Variants in KCNN2 observed in about 807,000 individuals in gnomAD.
KCNN2 encodes the protein potassium calcium-activated channel subfamily N member 2.
A neutral mutation model predicts 55.5 loss-of-function variants in KCNN2; 24 were observed. That is an observed-to-expected ratio of 0.43 (90% CI 0.31 to 0.61). KCNN2 has a LOEUF of 0.61. Ranked by LOEUF, KCNN2 falls within the 20% of genes least tolerant of loss-of-function variation. The pLI is 0.08. For synonymous variants in KCNN2, 431 were observed against 336.1 expected, an observed-to-expected ratio of 1.28 and a Z score of -3.09; for missense variants, 754 against 853.6, an observed-to-expected ratio of 0.88 and a Z score of 1.45.
At chr5:114,318,415 C>T (rs1756545559) in intron 2 of KCNN2, among the ~76,000 whole-genome samples, 2 of 151,898 alleles carry the variant, frequency 1.3e-5, no homozygotes, top group African/African-American at 2.4e-5. Flanking sequence ...CACTTACATA[C>T]GTATTAATAG....
intron 2 of KCNN2, among the ~76,000 whole-genome samples, chr5:114,388,635 T>C (rs1279403132): frequency 6.6e-6 from 1 of 152,198 alleles, no homozygotes; most frequent in Non-Finnish European, 1.5e-5. Flanking sequence ...GGTTTATGTT[T>C]ACTTCTTGCT....
intron 2 of KCNN2, among the ~76,000 whole-genome samples, chr5:114,365,937 T>C (rs1662767987): frequency 6.6e-6 from 1 of 152,212 alleles, no homozygotes; most frequent in African/African-American, 2.4e-5. Context: ...GGAGGACATT[T>C]GCTGGTATTA....
chr5:114,273,398 G>A (rs1421660315), intron 2 of KCNN2, among the ~76,000 whole-genome samples: 1 of 152,110 alleles, frequency 6.6e-6, no homozygotes, highest in Non-Finnish European at 1.5e-5. Flanking sequence ...GGATTACTGG[G>A]TCAAATGGTA....
intron 2 of KCNN2, among the ~76,000 whole-genome samples, chr5:114,403,443 A>C (rs966158616): frequency 6.6e-6 from 1 of 152,240 alleles, no homozygotes; most frequent in African/African-American, 2.4e-5. Flanking sequence ...GAATATATAT[A>C]GCTTCTCAAA....
intron 3 of KCNN2, among the ~76,000 whole-genome samples, chr5:114,451,912 A>G (rs55840632): frequency 0.2 from 30,151 of 151,128 alleles, 3,360 homozygotes; most frequent in Middle Eastern, 0.26. Flanking sequence ...AAAAAAAAAA[A>G]GAATCAAATG....
intron 2 of KCNN2, among the ~76,000 whole-genome samples, chr5:114,254,408 G>C (rs1190463418): frequency 1.3e-5 from 2 of 152,124 alleles, no homozygotes; most frequent in Admixed American, 6.6e-5. Flanking sequence ...GCAGATACCA[G>C]CTTTTCTGAA....
chr5:114,179,828 G>A (rs760617657), intron 1 of KCNN2, among the ~76,000 whole-genome samples: 35 of 151,902 alleles, frequency 2.3e-4, no homozygotes, highest in Admixed American at 5.2e-4. Context: ...ATCAAATACC[G>A]CATTCTCACA....
intron 2 of KCNN2, among the ~76,000 whole-genome samples, chr5:114,343,702 G>T (rs984930379): frequency 1.3e-5 from 2 of 150,018 alleles, no homozygotes; most frequent in Non-Finnish European, 3.0e-5. Flanking sequence ...GGTGTGGGGG[G>T]AACAACATGG....
intron 1 of KCNN2, among the ~76,000 whole-genome samples, chr5:114,063,626 G>A (rs13185767): frequency 0.099 from 15,013 of 152,188 alleles, 918 homozygotes; most frequent in Middle Eastern, 0.21. Context: ...GAGGATAATG[G>A]AACTGCATTT....
At chr5:114,233,872 C>G (rs1201066191) in intron 2 of KCNN2, among the ~76,000 whole-genome samples, 1 of 152,138 alleles carries the variant, frequency 6.6e-6, no homozygotes, top group Non-Finnish European at 1.5e-5. Flanking sequence ...CTGTATCAGT[C>G]ATCTTCTCTT....
chr5:114,339,670 G>T (rs542130509), intron 2 of KCNN2, among the ~76,000 whole-genome samples: 26 of 152,112 alleles, frequency 1.7e-4, no homozygotes, highest in African/African-American at 6.0e-4. Context: ...AGGCATGGTG[G>T]TGTATGCCTA....
chr5:114,198,825 TAA>T (rs1561519400), intron 1 of KCNN2, among the ~76,000 whole-genome samples: 1 of 152,162 alleles, frequency 6.6e-6, no homozygotes, highest in Non-Finnish European at 1.5e-5. Flanking sequence ...TAAAATGTGT[TAA>T]GACTTGTTTT....
chr5:114,385,047 G>A (rs1385964356), intron 2 of KCNN2, among the ~76,000 whole-genome samples: 3 of 152,138 alleles, frequency 2.0e-5, no homozygotes, highest in African/African-American at 7.2e-5. Flanking sequence ...GTGGTGAGTT[G>A]AAATGCTCTA....
chr5:114,100,983 A>G (rs1751362856), intron 1 of KCNN2, among the ~76,000 whole-genome samples: 1 of 151,720 alleles, frequency 6.6e-6, no homozygotes, highest in Admixed American at 6.6e-5. Context: ...TTTATATAAT[A>G]TCCTTATTTT....
Position 114,155,458 on chromosome 5 carries a change from G to A in KCNN2, c.-270-66022G>A, listed in dbSNP as rs559485080. Among the ~76,000 whole-genome samples, 3 of 152,230 alleles carry A rather than the reference G, an allele frequency of 2.0e-5. No homozygotes were observed. In the East Asian group the frequency reaches 5.8e-4, roughly 29 times the overall value. ...TCTATTTTTAGGTCTTTGAGGAATT[G>A]CCACACTGTCTTCCATAATGGCTGA... On this transcript the variant is annotated intron_variant, in intron 1 of 10. Coordinates refer to the KCNN2 transcript ENST00000512097.
At chr5:114,104,045 C>T (rs962429356) in intron 1 of KCNN2, among the ~76,000 whole-genome samples, 4 of 152,010 alleles carry the variant, frequency 2.6e-5, no homozygotes, top group African/African-American at 4.8e-5. Context: ...GCTGTGAATC[C>T]GTTTGGTCCT....
intron 1 of KCNN2, among the ~76,000 whole-genome samples, chr5:114,107,762 G>C (rs539209001): frequency 9.2e-5 from 14 of 151,814 alleles, no homozygotes; most frequent in Non-Finnish European, 1.5e-4. Flanking sequence ...ATTTTTATAG[G>C]AATTACATCA....
intron 2 of KCNN2, among the ~76,000 whole-genome samples, chr5:114,228,972 C>T (rs1418355935): frequency 6.6e-6 from 1 of 151,820 alleles, no homozygotes; most frequent in African/African-American, 2.4e-5. Flanking sequence ...TAGATTGTTT[C>T]TGAATTTAAC....
chr5:114,119,226 G>A (rs1418300810), intron 1 of KCNN2, among the ~76,000 whole-genome samples: 1 of 152,160 alleles, frequency 6.6e-6, no homozygotes, highest in Non-Finnish European at 1.5e-5. Flanking sequence ...GCTCTGATGT[G>A]CAGGCCACTG....
Sources: gnomAD v4.1 joint callset for allele counts (sites outside exome capture counted in the v4.1 genomes callset) on GRCh38, gnomAD v4.1.1 for gene constraint, MANE v1.5 for transcripts, NCBI Gene and HGNC (gene_info 2026-07-23, HGNC 2026-07-21) for gene names.